PARP11: variants seen among roughly 807,000 people sequenced by gnomAD.
PARP11 encodes protein mono-ADP-ribosyltransferase PARP11.
In PARP11, 31 loss-of-function variants were observed where a neutral mutation model predicts 42.9. The ratio of observed to expected loss-of-function variants is 0.72; its 90% confidence interval spans 0.54 to 0.98. The LOEUF (loss-of-function observed/expected upper bound fraction) is 0.98. Among genes scored for constraint, PARP11 ranks in the 50% least tolerant of loss-of-function variants. The probability of loss-of-function intolerance (pLI) is 0.00; values close to 1 mark genes in which losing one functional copy is unlikely to be tolerated. For missense variants in PARP11, 365 were observed against 413.1 expected (o/e 0.88, Z 1.01); for synonymous variants, 137 against 127.3 (o/e 1.08, Z -0.51).
intron 1 of PARP11, chr12:3,841,923 T>C: frequency 6.2e-7 from 1 of 1,605,024 alleles, no homozygotes; most frequent in Admixed American, 1.7e-5. Flanking sequence ...CAGCCAGGAG[T>C]GAACATGTAC....
chr12:3,823,007 A>G (rs979790636), intron 4 of PARP11, among the ~76,000 whole-genome samples: 2 of 152,222 alleles, frequency 1.3e-5, no homozygotes, highest in African/African-American at 4.8e-5. Context: ...CTTAAAAACT[A>G]TCAGACATGT....
At position 3,844,739 on chromosome 12, in the gene PARP11, G is replaced by C. The variant is rs1591785125; in HGVS notation, c.19-14721C>G. ...TATGATGGAAGAAGTGCTTGAAAGA[G>C]AATTTTAGCAGATGGTACTTTTCTC... is the stretch of plus-strand genomic sequence containing the variant. On this transcript the variant is annotated intron_variant, in intron 1 of 7. Transcript: ENST00000228820. Among the ~76,000 whole-genome samples, 5 of 152,206 alleles carry C rather than the reference G, an allele frequency of 3.3e-5. No homozygotes were observed. The South Asian group carries it at 8.3e-4, about 25-fold the overall frequency.
At chr12:3,829,168 C>G in intron 2 of PARP11, 138 bp from the exon 3 acceptor site, 4 of 819,054 alleles carry the variant, frequency 4.9e-6, no homozygotes, top group Non-Finnish European at 7.7e-6. Flanking sequence ...GTTCCCAACA[C>G]ACAGGGAGAA....
At chr12:3,822,471 C>T (rs924069925) in intron 4 of PARP11, among the ~76,000 whole-genome samples, 1 of 145,552 alleles carries the variant, frequency 6.9e-6, no homozygotes, top group Non-Finnish European at 1.5e-5. Context: ...TGGGGGCGGG[C>T]GCCTGTAGTC....
intron 1 of PARP11, among the ~76,000 whole-genome samples, chr12:3,836,104 A>C (rs1947756104): frequency 6.6e-6 from 1 of 152,030 alleles, no homozygotes; most frequent in Non-Finnish European, 1.5e-5. Context: ...CACATCCAAG[A>C]AGCTCAATAA....
intron 3 of PARP11, 88 bp from the exon 4 acceptor site, chr12:3,826,321 G>T: frequency 1.1e-6 from 1 of 914,600 alleles, no homozygotes; most frequent in Non-Finnish European, 1.6e-6. Context: ...GCTACGCGAT[G>T]ATCAGGAATC....
At position 3,839,375 on chromosome 12, in the gene PARP11, T is replaced by G. The variant is rs577883353; in HGVS notation, c.19-9357A>C. ...GGGCCCCGCGAGGACGCGACGCCCA[T>G]GGACGCCTATCTGCGGAAACTGGGC... is the stretch of plus-strand genomic sequence containing the variant. On this transcript the variant is annotated intron_variant, in intron 1 of 7. Coordinates refer to ENST00000228820, the MANE Select transcript of PARP11 (RefSeq NM_020367.6). 1.1e-3 allele frequency: 1,675 copies of G among 1,487,056 alleles called. 27 individuals carry two copies. The South Asian group carries it at 0.019, about 17-fold the overall frequency. The allele number at this position is 1,487,056 out of a possible 1,614,324, so 92.1% of individuals were successfully genotyped here.
intron 1 of PARP11, among the ~76,000 whole-genome samples, chr12:3,844,754 G>T (rs912516293): frequency 1.3e-5 from 2 of 152,150 alleles, no homozygotes; most frequent in African/African-American, 4.8e-5. Flanking sequence ...TTAGCAGATG[G>T]TACTTTTCTC....
intron 7 of PARP11, among the ~76,000 whole-genome samples, chr12:3,813,062 C>T (rs1037672191): frequency 6.6e-6 from 1 of 152,180 alleles, no homozygotes; most frequent in Non-Finnish European, 1.5e-5. Flanking sequence ...GCCTCGACCT[C>T]CCAAACTGCT....
intron 1 of PARP11, among the ~76,000 whole-genome samples, chr12:3,866,093 C>A (rs1184502341): frequency 6.6e-6 from 1 of 151,970 alleles, no homozygotes; most frequent in Non-Finnish European, 1.5e-5. Flanking sequence ...ATCTTTCCTA[C>A]CCATCATCAC....
chr12:3,828,628 T>A (rs1947577824), intron 3 of PARP11, among the ~76,000 whole-genome samples: 1 of 151,868 alleles, frequency 6.6e-6, no homozygotes, highest in South Asian at 2.1e-4. Context: ...AAACAACTGA[T>A]ACGGTGTTTT....
intron 1 of PARP11, among the ~76,000 whole-genome samples, chr12:3,849,612 G>A (rs2138090723): frequency 6.6e-6 from 1 of 152,246 alleles, no homozygotes; most frequent in Admixed American, 6.5e-5. Flanking sequence ...TGGAACTCAT[G>A]AAGAGACAAA....
intron 1 of PARP11, chr12:3,872,503 T>G (rs185340331): frequency 1.0e-6 from 1 of 984,960 alleles, no homozygotes; most frequent in Admixed American, 6.1e-5. Context: ...GAAGTCATAA[T>G]GAAAATACCA....
chr12:3,826,117 A>T (rs1002992658), intron 4 of PARP11, 41 bp downstream of exon 4: 6 of 1,278,794 alleles, frequency 4.7e-6, no homozygotes, highest in Admixed American at 2.4e-5. Flanking sequence ...TAGTAAGAAA[A>T]AAAAAACCCA....
chr12:3,871,763 G>A (rs1476228907), intron 1 of PARP11: 2 of 152,126 alleles, frequency 1.3e-5, no homozygotes, highest in East Asian at 3.8e-4. Context: ...ACTCTCTGAG[G>A]GTTGTGTTGG....
intron 1 of PARP11, among the ~76,000 whole-genome samples, chr12:3,843,903 C>A (rs1947944331): frequency 6.6e-6 from 1 of 152,174 alleles, no homozygotes; most frequent in African/African-American, 2.4e-5. Flanking sequence ...GTAGTAATTT[C>A]TCTTTGCATA....
chr12:3,831,889 T>C (rs1035202470), intron 1 of PARP11, among the ~76,000 whole-genome samples: 4 of 152,114 alleles, frequency 2.6e-5, no homozygotes, highest in African/African-American at 9.7e-5. Context: ...ATTGGGCCAT[T>C]TAACTGTGAG....
At chr12:3,862,385 A>G (rs1247804918) in intron 1 of PARP11, among the ~76,000 whole-genome samples, 1 of 152,106 alleles carries the variant, frequency 6.6e-6, no homozygotes, top group African/African-American at 2.4e-5. Flanking sequence ...CAGGAGTTCA[A>G]TGTTACAATG....
Position 3,829,968 on chromosome 12 carries a change from T to A in PARP11, c.69A>T (p.Glu23Asp). The A allele has an allele frequency of 6.2e-7, 1 of 1,613,764 alleles. No individual in the cohort carries two copies. ...EELFSKTTNN[E>D]VDDMDTSDTQ... ...TATCTGACGTGTCCATGTCATCCACTTCATTGTTTGTTGTTTTAGAAAATA... is the reference window on the plus strand; with the variant it reads ...TATCTGACGTGTCCATGTCATCCACATCATTGTTTGTTGTTTTAGAAAATA... Residue 23 changes from glutamate to aspartate, a missense_variant, in exon 2 of 8, where the codon GAA (glutamate) becomes GAT (aspartate). Transcript: ENST00000228820.
Sources: allele counts gnomAD v4.1 joint callset (sites outside exome capture counted in the v4.1 genomes callset), GRCh38; gene constraint gnomAD v4.1.1; transcripts MANE v1.5; gene names NCBI Gene and HGNC (gene_info 2026-07-23, HGNC 2026-07-21).